PCDHA4: variants seen among roughly 807,000 people sequenced by gnomAD.
PCDHA4 encodes protocadherin alpha-4.
Under a neutral mutation model 61.4 loss-of-function variants are expected in PCDHA4, and 49 were observed. That is an observed-to-expected ratio of 0.80 (90% CI 0.63 to 1.01). PCDHA4 has a LOEUF of 1.01. Among genes scored for constraint, PCDHA4 ranks in the 50% least tolerant of loss-of-function variants. PCDHA4 has a pLI of 0.00. For synonymous variants in PCDHA4, 590 were observed against 550.3 expected, an observed-to-expected ratio of 1.07 and a Z score of -1.01; for missense variants, 1,254 against 1,235.8, an observed-to-expected ratio of 1.01 and a Z score of -0.22.
At position 140,876,007 on chromosome 5, in the gene PCDHA4, G is replaced by A. The variant is rs1177191662; in HGVS notation, c.2385+66435G>A. 9 of 1,613,658 alleles carry A rather than the reference G, an allele frequency of 5.6e-6. No individual in the cohort carries two copies. Among genetic ancestry groups the A allele is most frequent in the Non-Finnish European group, 7.6e-6 (9 of 1,179,880 alleles). ...TGCGTTAAGTCTAAATGAGAATTTTGAGCTTAAAATAAAAACAAAAAAAGA... is the reference window on the plus strand; with the variant it reads ...TGCGTTAAGTCTAAATGAGAATTTTAAGCTTAAAATAAAAACAAAAAAAGA... On this transcript the variant is annotated intron_variant, in intron 1 of 3. Transcript: ENST00000530339.
chr5:140,941,475 C>T (rs1554214513), intron 1 of PCDHA4, among the ~76,000 whole-genome samples: 1 of 151,578 alleles, frequency 6.6e-6, no homozygotes, highest in Non-Finnish European at 1.5e-5. Context: ...ACCACCACGC[C>T]TGGCTAATTT....
At chr5:140,818,050 G>A (rs1554127374) in intron 1 of PCDHA4, among the ~76,000 whole-genome samples, 1 of 152,018 alleles carries the variant, frequency 6.6e-6, no homozygotes, top group African/African-American at 2.4e-5. Flanking sequence ...AATTTGCTTT[G>A]TTTTTAATCT....
chr5:140,998,524 T>A (rs553357630), intron 3 of PCDHA4, among the ~76,000 whole-genome samples: 1 of 152,328 alleles, frequency 6.6e-6, no homozygotes, highest in East Asian at 1.9e-4. Flanking sequence ...TTATTCATAT[T>A]TATATCCCTA....
chr5:140,854,718 A>G (rs1417789198), intron 1 of PCDHA4: 1 of 149,960 alleles, frequency 6.7e-6, no homozygotes, highest in Non-Finnish European at 1.5e-5. Flanking sequence ...AAAGACAGAA[A>G]ACTCAAGTTT....
chr5:140,835,941 CT>C (rs2150248742), intron 1 of PCDHA4: 13 of 1,612,538 alleles, frequency 8.1e-6, no homozygotes, highest in Non-Finnish European at 1.1e-5. Flanking sequence ...GGTGTACGCG[CT>C]GCAGCCGTTG....
At chr5:140,811,136 C>T (rs1764801862) in intron 1 of PCDHA4, 1 of 152,180 alleles carries the variant, frequency 6.6e-6, no homozygotes, top group South Asian at 2.1e-4. Context: ...TTAGGTATTT[C>T]TCCTAATGCT....
At chr5:140,827,212 TAAAGG>T (rs2150084173) in intron 1 of PCDHA4, among the ~76,000 whole-genome samples, 1 of 152,096 alleles carries the variant, frequency 6.6e-6, no homozygotes, top group Admixed American at 6.5e-5. Flanking sequence ...TGAGAACAAT[TAAAGG>T]AAAGGATATG....
intron 3 of PCDHA4, among the ~76,000 whole-genome samples, chr5:141,000,533 T>G (rs1554257655): frequency 3.4e-5 from 5 of 147,384 alleles, no homozygotes; most frequent in Admixed American, 1.4e-4. Context: ...GTTCAAGTGA[T>G]TCTCATGCCT....
intron 1 of PCDHA4, chr5:140,883,560 G>C: frequency 6.2e-7 from 1 of 1,614,184 alleles, no homozygotes; most frequent in South Asian, 1.1e-5. Flanking sequence ...CGGGACGGGG[G>C]CTCGCCTTCG....
At chr5:140,967,692 G>A (rs781940460) in intron 1 of PCDHA4, 12 of 1,614,196 alleles carry the variant, frequency 7.4e-6, no homozygotes, top group South Asian at 1.1e-5. Flanking sequence ...CAGCTCTTCA[G>A]CATAGATGCC....
intron 1 of PCDHA4, among the ~76,000 whole-genome samples, chr5:140,826,393 A>C (rs2150143782): frequency 6.6e-6 from 1 of 152,156 alleles, no homozygotes; most frequent in Non-Finnish European, 1.5e-5. Flanking sequence ...AGAACTACTA[A>C]ATAGATCCAG....
chr5:140,999,890 T>C (rs2097882236), intron 3 of PCDHA4, among the ~76,000 whole-genome samples: 1 of 152,168 alleles, frequency 6.6e-6, no homozygotes, highest in South Asian at 2.1e-4. Context: ...CAGCTGTAGC[T>C]TGGGACACCA....
chr5:140,967,431 T>G, intron 1 of PCDHA4: 1 of 1,613,498 alleles, frequency 6.2e-7, no homozygotes, highest in Non-Finnish European at 8.5e-7. Flanking sequence ...CAGGCAGCCT[T>G]GCACCACCTG....
intron 1 of PCDHA4, chr5:140,870,601 G>A (rs1554164453): frequency 1.2e-6 from 2 of 1,613,228 alleles, no homozygotes; most frequent in Admixed American, 1.7e-5. Context: ...GCGGTTGGGC[G>A]ACCGCGCGCT....
intron 1 of PCDHA4, among the ~76,000 whole-genome samples, chr5:140,963,203 AAAAC>A (rs1457721166): frequency 6.6e-6 from 1 of 152,100 alleles, no homozygotes; most frequent in African/African-American, 2.4e-5. Context: ...AATGAAAAAA[AAAAC>A]CTCGTGTTTA....
chr5:140,901,829 T>C (rs1449316816), intron 1 of PCDHA4, among the ~76,000 whole-genome samples: 1 of 152,230 alleles, frequency 6.6e-6, no homozygotes, highest in African/African-American at 2.4e-5. Flanking sequence ...TTCCAGTCCA[T>C]AAACATGCAA....
chr5:140,923,468 G>A (rs2081380588), intron 1 of PCDHA4, among the ~76,000 whole-genome samples: 1 of 152,098 alleles, frequency 6.6e-6, no homozygotes, highest in Admixed American at 6.5e-5. Context: ...GGTAGGGGCT[G>A]CAGTGAGCCA....
In PCDHA4 at chr5:140,830,423, C is replaced by T. The variant is rs2150186297; in HGVS notation, c.2385+20851C>T. 29 of 1,613,982 alleles carry T rather than the reference C, an allele frequency of 1.8e-5. 1 individual carries two copies. The Middle Eastern group carries it at 2.0e-3, about 110-fold the overall frequency. ...CATGGCCTTTAGCCCCAGCCTTTCACCTTGTCCTATTATGATGGGTAAGGC... is the reference window on the plus strand; with the variant it reads ...CATGGCCTTTAGCCCCAGCCTTTCATCTTGTCCTATTATGATGGGTAAGGC... On this transcript the variant is annotated intron_variant, in intron 1 of 3. Transcript: ENST00000530339.
intron 1 of PCDHA4, among the ~76,000 whole-genome samples, chr5:140,893,669 C>T (rs1204530639): frequency 6.6e-6 from 1 of 152,158 alleles, no homozygotes; most frequent in African/African-American, 2.4e-5. Flanking sequence ...AAAATTTCAG[C>T]ACTTTGGATA....
Sources: allele counts gnomAD v4.1 joint callset (sites outside exome capture counted in the v4.1 genomes callset), GRCh38; gene constraint gnomAD v4.1.1; transcripts MANE v1.5; gene names NCBI Gene and HGNC (gene_info 2026-07-23, HGNC 2026-07-21).